PSD3: variants seen among roughly 807,000 people sequenced by gnomAD.
PSD3 encodes pleckstrin and Sec7 domain containing 3, also known as PH and SEC7 domain-containing protein 3.
Under a neutral mutation model 105.5 loss-of-function variants are expected in PSD3, and 49 were observed. The observed-to-expected ratio is 0.46, with a 90% CI of 0.37 to 0.59. The LOEUF (loss-of-function observed/expected upper bound fraction) is 0.59, where lower values mean the gene tolerates loss of function less well. Among genes scored for constraint, PSD3 ranks in the 20% least tolerant of loss-of-function variants. The pLI is 0.00. For synonymous variants in PSD3, 557 were observed against 457.8 expected, an observed-to-expected ratio of 1.22 and a Z score of -2.77; for missense variants, 1,561 against 1,263.8, an observed-to-expected ratio of 1.24 and a Z score of -3.57.
intron 1 of PSD3, among the ~76,000 whole-genome samples, chr8:18,947,792 C>G (rs1004176705): frequency 6.6e-6 from 1 of 152,152 alleles, no homozygotes; most frequent in Non-Finnish European, 1.5e-5. Context: ...TCATAATACC[C>G]GAGGGCTTCT....
At chr8:18,562,088 G>C (rs761902546) in intron 14 of PSD3, among the ~76,000 whole-genome samples, 10 of 152,330 alleles carry the variant, frequency 6.6e-5, no homozygotes, top group Non-Finnish European at 5.9e-5. Flanking sequence ...AGAAGGCAGA[G>C]AGAATCGGGA....
intron 14 of PSD3, among the ~76,000 whole-genome samples, chr8:18,571,536 A>C (rs985040025): frequency 3.3e-5 from 5 of 152,084 alleles, no homozygotes; most frequent in African/African-American, 1.2e-4. Flanking sequence ...ACTTCTATCA[A>C]ATCATTTTAC....
At chr8:19,058,306 T>C (rs1272299979) in intron 1 of PSD3, among the ~76,000 whole-genome samples, 1 of 151,862 alleles carries the variant, frequency 6.6e-6, no homozygotes, top group Admixed American at 6.6e-5. Flanking sequence ...AGTATAAGTA[T>C]AAAGGGATAG....
At chr8:18,871,538 G>A in intron 3 of PSD3, 88 bp downstream of exon 3, 1 of 1,462,996 alleles carries the variant, frequency 6.8e-7, no homozygotes. Context: ...AAGGTATTGT[G>A]ATTGAGTTCT....
chr8:18,653,736 A>G (rs1808690811), intron 10 of PSD3, among the ~76,000 whole-genome samples: 1 of 152,146 alleles, frequency 6.6e-6, no homozygotes. Context: ...GACTACCTAT[A>G]AATGAATAAA....
intron 1 of PSD3, among the ~76,000 whole-genome samples, chr8:19,043,606 A>C (rs896895197): frequency 1.3e-5 from 2 of 152,210 alleles, no homozygotes; most frequent in Admixed American, 6.5e-5. Flanking sequence ...GCTGAAGTTA[A>C]ATTGCCGATG....
chr8:18,853,171 C>G (rs1331771463), intron 4 of PSD3, among the ~76,000 whole-genome samples: 1 of 152,012 alleles, frequency 6.6e-6, no homozygotes, highest in East Asian at 1.9e-4. Flanking sequence ...AATGTCCAAA[C>G]AGAAGAGGCA....
chr8:18,745,833 G>C (rs981731624), intron 9 of PSD3, among the ~76,000 whole-genome samples: 2 of 152,162 alleles, frequency 1.3e-5, no homozygotes, highest in Non-Finnish European at 2.9e-5. Context: ...AACGTCAACT[G>C]GAATCCAATA....
chr8:18,930,656 A>T (rs1162448793), intron 2 of PSD3, among the ~76,000 whole-genome samples: 3 of 140,920 alleles, frequency 2.1e-5, no homozygotes, highest in African/African-American at 8.1e-5. Context: ...TGCAACCCCC[A>T]CCTCCCGGCT....
intron 10 of PSD3, among the ~76,000 whole-genome samples, chr8:18,643,061 A>C (rs146559984): frequency 1.3e-5 from 2 of 152,298 alleles, no homozygotes; most frequent in Non-Finnish European, 2.9e-5. Flanking sequence ...ACAGAATTCC[A>C]CTGGCTGAGG....
At chr8:18,993,514 A>C (rs1002267823) in intron 1 of PSD3, among the ~76,000 whole-genome samples, 1 of 152,056 alleles carries the variant, frequency 6.6e-6, no homozygotes, top group Non-Finnish European at 1.5e-5. Context: ...GTAAAGTCTT[A>C]ACACAAGGTT....
intron 9 of PSD3, among the ~76,000 whole-genome samples, chr8:18,694,024 T>C (rs1801125871): frequency 6.6e-6 from 1 of 152,138 alleles, no homozygotes; most frequent in African/African-American, 2.4e-5. Context: ...AAAAAGAATT[T>C]GGGATCTGAA....
chr8:18,684,204 CCACACACACACACACACACA>C (rs67855105), intron 9 of PSD3: 40 of 195,660 alleles, frequency 2.0e-4, no homozygotes, highest in African/African-American at 7.3e-4. Context: ...TCTCTCTTTT[CCACACACACACACACACACA>C]CACACACACA....
chr8:18,840,005 CATT>C (rs1260619587), intron 4 of PSD3, among the ~76,000 whole-genome samples: 2 of 152,264 alleles, frequency 1.3e-5, no homozygotes, highest in South Asian at 4.2e-4. Flanking sequence ...TAATAACTTA[CATT>C]ATTACATGGA....
At chr8:18,986,343 C>G (rs975286871) in intron 1 of PSD3, among the ~76,000 whole-genome samples, 1 of 151,990 alleles carries the variant, frequency 6.6e-6, no homozygotes, top group African/African-American at 2.4e-5. Flanking sequence ...TTTATTTTGC[C>G]TTTACTGTCA....
intron 4 of PSD3, among the ~76,000 whole-genome samples, chr8:18,844,550 C>A (rs1814921452): frequency 6.6e-6 from 1 of 151,980 alleles, no homozygotes; most frequent in Non-Finnish European, 1.5e-5. Flanking sequence ...GAGCCCAAAC[C>A]ACATTAAGAT....
chr8:18,835,372 G>C (rs996308951), intron 4 of PSD3, among the ~76,000 whole-genome samples: 1 of 152,056 alleles, frequency 6.6e-6, no homozygotes, highest in Admixed American at 6.5e-5. Flanking sequence ...CTCATGTATT[G>C]ATTTACTATT....
intron 12 of PSD3, among the ~76,000 whole-genome samples, chr8:18,581,131 G>C (rs1020867729): frequency 8.5e-5 from 13 of 152,132 alleles, no homozygotes; most frequent in African/African-American, 2.9e-4. Context: ...ACTCTGTAAC[G>C]AAGTGGATAT....
intron 4 of PSD3, among the ~76,000 whole-genome samples, chr8:18,813,949 A>G (rs1406892899): frequency 6.6e-6 from 1 of 152,208 alleles, no homozygotes; most frequent in Non-Finnish European, 1.5e-5. Context: ...TAAGGTTATG[A>G]TGACGTGAGA....
Sources: allele counts gnomAD v4.1 joint callset (sites outside exome capture counted in the v4.1 genomes callset), GRCh38; gene constraint gnomAD v4.1.1; transcripts MANE v1.5; gene names NCBI Gene and HGNC (gene_info 2026-07-23, HGNC 2026-07-21).